Variants in CFAP46 observed in about 807,000 individuals in gnomAD.
CFAP46 encodes cilia and flagella associated protein 46.
Under a neutral mutation model 325.7 loss-of-function variants are expected in CFAP46, and 245 were observed. The observed-to-expected ratio is 0.75, with a 90% CI of 0.68 to 0.84. CFAP46 has a LOEUF of 0.84. Among genes scored for constraint, CFAP46 ranks in the 40% least tolerant of loss-of-function variants. The pLI is 0.00. For synonymous variants in CFAP46, 1,523 were observed against 1,495.9 expected, an observed-to-expected ratio of 1.02 and a Z score of -0.42; for missense variants, 3,346 against 3,543.0, an observed-to-expected ratio of 0.94 and a Z score of 1.41.
chr10:132,832,921 G>A lies in CFAP46; in HGVS notation c.7117+437C>T. On this transcript the variant is annotated intron_variant, in intron 50 of 57. Coordinates refer to ENST00000368586, the MANE Select transcript of CFAP46 (RefSeq NM_001200049.3). This position sits in a 1 kb window ranked among gnomAD's most constrained non-coding sequence, Gnocchi z 4.1. Reference sequence around the variant, plus strand: ...GTCTTCCCTGTGTGTTTAGCACCAGGATACTGGCACATAGCAGGTATTTTA... The same window carrying A: ...GTCTTCCCTGTGTGTTTAGCACCAGAATACTGGCACATAGCAGGTATTTTA... 1 of 440,352 alleles carries A rather than the reference G, an allele frequency of 2.3e-6. No individual in the cohort carries two copies. The highest frequency in any genetic ancestry group is 4.8e-6 in the Non-Finnish European group (1 of 207,132). The allele number at this position is 440,352 out of a possible 1,614,324, so 27.3% of individuals were successfully genotyped here.
chr10:132,845,872 C>A (rs2135096361), intron 44 of CFAP46, among the ~76,000 whole-genome samples, 185 bp downstream of exon 44: 1 of 152,296 alleles, frequency 6.6e-6, no homozygotes, highest in East Asian at 1.9e-4. Context: ...CCCACAAGGA[C>A]CAGGGGACAC....
chr10:132,809,666 C>G (rs1004030219), intron 57 of CFAP46, among the ~76,000 whole-genome samples: 1 of 152,162 alleles, frequency 6.6e-6, no homozygotes, highest in Admixed American at 6.5e-5. Context: ...TCCCGGGAAG[C>G]TCCTCTGTGG....
chr10:132,888,122 G>A (rs1849193771), intron 25 of CFAP46, among the ~76,000 whole-genome samples: 1 of 150,364 alleles, frequency 6.7e-6, no homozygotes, highest in Non-Finnish European at 1.5e-5. Flanking sequence ...CTTCAGTGAA[G>A]CCTCGTCTGG....
At position 132,922,660 on chromosome 10, in the gene CFAP46, G is replaced by C. The variant is rs117918463; in HGVS notation, c.1305C>G (p.Ile435Met). The C allele has an allele frequency of 3.9e-6, 6 of 1,549,848 alleles. No individual in the cohort carries two copies. The highest frequency in any genetic ancestry group is 4.4e-6 in the Non-Finnish European group (5 of 1,146,802). ...GCTCCAGCCGGTCCTCGTCCTCCTC[G>C]ATCTGCGCCATCTCCATGTGCACTT... ...RCQVHMEMAQ[I>M]EEDEDRLEPA... The change falls in exon 12 of 58, where the codon ATC becomes ATG. Residue 435 changes from isoleucine to methionine, a missense_variant. Coordinates refer to ENST00000368586, the MANE Select transcript of CFAP46 (RefSeq NM_001200049.3).
chr10:132,914,025 CCGCCCCGAGGCTGTGTCCAGCCACACTG>C (rs1849600759), intron 17 of CFAP46, among the ~76,000 whole-genome samples: 1 of 151,558 alleles, frequency 6.6e-6, no homozygotes, highest in African/African-American at 2.4e-5. Flanking sequence ...CCTCTGGCCC[CCGCCCCGAGGCTGTGTCCAGCCACACTG>C]CACCCCGGCC....
chr10:132,938,473 G>A, intron 5 of CFAP46, 116 bp downstream of exon 5: 1 of 997,520 alleles, frequency 1.0e-6, no homozygotes, highest in South Asian at 1.5e-5. Flanking sequence ...GAACGCACAT[G>A]GAGTGTGCCC....
chr10:132,910,291 C>T (rs1316519094), intron 19 of CFAP46, among the ~76,000 whole-genome samples: 8 of 152,224 alleles, frequency 5.3e-5, no homozygotes, highest in African/African-American at 1.9e-4. Context: ...CTCCAGTGCG[C>T]CCCGGCCCTC....
At chr10:132,853,605 A>C (rs1375309921) in intron 39 of CFAP46, among the ~76,000 whole-genome samples, 1 of 151,812 alleles carries the variant, frequency 6.6e-6, no homozygotes, top group Non-Finnish European at 1.5e-5. Context: ...ATTTTTTCTT[A>C]AATATTTGGC....
intron 50 of CFAP46, among the ~76,000 whole-genome samples, chr10:132,822,494 C>G (rs1847883578): frequency 4.1e-5 from 4 of 98,380 alleles, no homozygotes; most frequent in East Asian, 3.5e-4. Flanking sequence ...GCTGTGTGTG[C>G]TGATGTGTGC....
intron 50 of CFAP46, among the ~76,000 whole-genome samples, chr10:132,820,711 T>C (rs1464545580): frequency 4.0e-4 from 32 of 79,668 alleles, no homozygotes; most frequent in African/African-American, 1.0e-3. Flanking sequence ...GTGCTGTGTG[T>C]GCGCTGATGT....
At chr10:132,914,088 A>G (rs1197073845) in intron 17 of CFAP46, among the ~76,000 whole-genome samples, 126 of 121,626 alleles carry the variant, frequency 1.0e-3, no homozygotes, top group African/African-American at 2.7e-3. Flanking sequence ...GCCACACTGC[A>G]CCCCGGCCCG....
intron 50 of CFAP46, among the ~76,000 whole-genome samples, chr10:132,825,048 CTG>C (rs1330470832): frequency 6.4e-4 from 77 of 119,866 alleles, no homozygotes; most frequent in African/African-American, 2.0e-3. Flanking sequence ...GTGATGTGTG[CTG>C]TGTGTGCGCT....
At chr10:132,822,737 CAGTGATGTGTGCTGTGTGAGT>C in intron 50 of CFAP46, among the ~76,000 whole-genome samples, 1 of 80,238 alleles carries the variant, frequency 1.2e-5, no homozygotes, top group Non-Finnish European at 2.5e-5. Flanking sequence ...GCTGTGTGTG[CAGTGATGTGTGCTGTGTGAGT>C]GCTGATGTGT....
At position 132,832,845 on chromosome 10, in the gene CFAP46, G is replaced by A. The variant is rs1324825244; in HGVS notation, c.7117+513C>T. 1 of 470,002 alleles carries A rather than the reference G, an allele frequency of 2.1e-6. No homozygotes were observed. The highest frequency in any genetic ancestry group is 4.4e-6 in the Non-Finnish European group (1 of 226,274). The allele number at this position is 470,002 out of a possible 1,614,324, so 29.1% of individuals were successfully genotyped here. A position where few individuals can be genotyped will look rare whatever the true frequency, so the allele number is the denominator to read the frequency against. On this transcript the variant is annotated intron_variant, in intron 50 of 57. Transcript: ENST00000368586. This position sits in a 1 kb window ranked among gnomAD's most constrained non-coding sequence, Gnocchi z 4.1. ...AGGCTGGCTGTTTACTACACATCTG[G>A]TCCCCTCCTTTGAAACAGGTATTTG... is the stretch of plus-strand genomic sequence containing the variant.
chr10:132,900,519 C>CCCAG (rs1439904657), intron 22 of CFAP46, among the ~76,000 whole-genome samples: 8 of 152,260 alleles, frequency 5.3e-5, no homozygotes, highest in African/African-American at 1.9e-4. Flanking sequence ...GGGCCAGGGT[C>CCCAG]CCAGAGCCAG....
At chr10:132,899,910 G>A (rs1007493621) in intron 22 of CFAP46, among the ~76,000 whole-genome samples, 7 of 152,220 alleles carry the variant, frequency 4.6e-5, no homozygotes, top group African/African-American at 1.7e-4. Context: ...GAGTGCCCAC[G>A]TGTGGCCTGG....
At chr10:132,910,610 C>T (rs907385922) in intron 19 of CFAP46, among the ~76,000 whole-genome samples, 4 of 152,204 alleles carry the variant, frequency 2.6e-5, no homozygotes, top group Admixed American at 6.5e-5. Flanking sequence ...TATGGGTCGT[C>T]GTGAGGATCG....
Position 132,919,376 on chromosome 10 carries a change from C to T in CFAP46, c.1797G>A (p.Thr599=), listed in dbSNP as rs1001698201. 5.4e-5 allele frequency: 84 copies of T among 1,550,018 alleles called. No individual in the cohort carries two copies. The highest frequency in any genetic ancestry group is 6.7e-5 in the Non-Finnish European group (77 of 1,146,914). ...CATACAGGAGGCAGAAGCGGCTCGCCGTCCGACAGACGTCCCACACGCCTT... is the reference window on the plus strand; with the variant it reads ...CATACAGGAGGCAGAAGCGGCTCGCTGTCCGACAGACGTCCCACACGCCTT... The part of the protein sequence containing the change: ...RKQGVWDVCR[T]ASRFCLLYDN... Residue 599 remains threonine (T), a synonymous_variant, in exon 15 of 58, where the codon ACG becomes ACA. Coordinates refer to ENST00000368586, the MANE Select transcript of CFAP46 (RefSeq NM_001200049.3). This position sits in a 1 kb window ranked among gnomAD's most constrained non-coding sequence, Gnocchi z 9.7.
chr10:132,858,489 C>A (rs1848679664), intron 38 of CFAP46, among the ~76,000 whole-genome samples: 1 of 151,614 alleles, frequency 6.6e-6, no homozygotes, highest in South Asian at 2.1e-4. Context: ...GCCAGGGAGG[C>A]TTTGCCAGGG....
Sources: allele counts gnomAD v4.1 joint callset (sites outside exome capture counted in the v4.1 genomes callset), GRCh38; gene constraint gnomAD v4.1.1; non-coding constraint Gnocchi (gnomAD v3.1); transcripts MANE v1.5; gene names NCBI Gene and HGNC (gene_info 2026-07-23, HGNC 2026-07-21).